Variants in OSMR observed in about 807,000 individuals in gnomAD.
OSMR encodes oncostatin M receptor.
OSMR carries 81 observed loss-of-function variants against 99.9 expected under a neutral mutation model. That is an observed-to-expected ratio of 0.81 (90% CI 0.68 to 0.97). The LOEUF is 0.97. OSMR is among the 50% of genes least tolerant of loss of function. The pLI is 0.00. For missense variants in OSMR, 1,099 were observed against 1,153.4 expected (o/e 0.95, Z 0.68); for synonymous variants, 406 against 410.4 (o/e 0.99, Z 0.13).
chr5:38,866,248 G>T (rs1741933589), intron 1 of OSMR, among the ~76,000 whole-genome samples: 1 of 152,170 alleles, frequency 6.6e-6, no homozygotes, highest in Non-Finnish European at 1.5e-5. Flanking sequence ...GCTAGCTGTG[G>T]TAGGTGGGGC....
intron 1 of OSMR, among the ~76,000 whole-genome samples, chr5:38,848,920 C>T (rs1164759097): frequency 1.3e-5 from 2 of 151,052 alleles, no homozygotes; most frequent in Admixed American, 1.3e-4. Context: ...ACTACAGGCA[C>T]ATGACACCAC....
intron 15 of OSMR, among the ~76,000 whole-genome samples, chr5:38,929,957 T>TTAAC (rs1331904436): frequency 5.3e-5 from 8 of 152,208 alleles, no homozygotes; most frequent in African/African-American, 1.9e-4. Context: ...GAATACATGA[T>TTAAC]TAACTATTCT....
intron 1 of OSMR, chr5:38,942,979 A>T (rs752783373): frequency 6.3e-7 from 1 of 1,590,226 alleles, no homozygotes; most frequent in Non-Finnish European, 8.6e-7. Flanking sequence ...ATTCTAAAAT[A>T]AAAGATTATG....
chr5:38,941,251 A>C (rs1747537501), intron 1 of OSMR: 1 of 232,618 alleles, frequency 4.3e-6, no homozygotes. Flanking sequence ...TATAAAAATT[A>C]AGTTACTGCT....
chr5:38,921,707 G>A lies in OSMR; in HGVS notation c.1678G>A (p.Asp560Asn), dbSNP rs1208559994. The change falls in exon 12 of 18, where the codon GAC becomes AAC. Residue 560 changes from aspartate (D) to asparagine (N), a missense_variant. Physicochemically the swap from Asp to Asn is conservative, Grantham distance 23. Transcript: ENST00000274276. ...TGGAGATGTTATAGGCTATGTTGTG[G>A]ACTGGTGTGACCATACCCAGGATGT... ...QPGDVIGYVV[D>N]WCDHTQDVLG... 1 of 1,614,144 alleles carries A rather than the reference G, an allele frequency of 6.2e-7. No homozygotes were observed. The highest frequency in any genetic ancestry group is 1.1e-5 in the South Asian group (1 of 91,076).
At chr5:38,936,578 CT>C (rs1392040247), downstream of OSMR, among the ~76,000 whole-genome samples, 1 of 152,172 alleles carries the variant, frequency 6.6e-6, no homozygotes, top group Admixed American at 6.5e-5. Flanking sequence ...TAGGGTCAAC[CT>C]TGTTACCTAC....
At chr5:38,889,018 G>C (rs769734702) in intron 7 of OSMR, among the ~76,000 whole-genome samples, 1 of 151,946 alleles carries the variant, frequency 6.6e-6, no homozygotes, top group Non-Finnish European at 1.5e-5. Flanking sequence ...CATACAGCAA[G>C]GCTGATGAAA....
intron 1 of OSMR, among the ~76,000 whole-genome samples, chr5:38,859,629 A>G (rs930466135): frequency 6.6e-6 from 1 of 152,122 alleles, no homozygotes; most frequent in African/African-American, 2.4e-5. Context: ...TCCTGTGTCT[A>G]TGAAAAATGT....
At chr5:38,891,503 G>A (rs559031615) in intron 7 of OSMR, among the ~76,000 whole-genome samples, 2 of 152,340 alleles carry the variant, frequency 1.3e-5, no homozygotes, top group South Asian at 4.1e-4. Context: ...GATGAGCAAA[G>A]CCCAGGCAGC....
At chr5:38,944,226 G>T in exon 2 of OSMR, 3 of 618,086 alleles carry the variant, frequency 4.9e-6, no homozygotes, top group South Asian at 3.0e-5. Context: ...TGGCTTAATA[G>T]AAGATAGCTG....
At chr5:38,944,386 T>C (rs1747941697) in intron 2 of OSMR, 5 of 1,523,348 alleles carry the variant, frequency 3.3e-6, no homozygotes, top group Non-Finnish European at 3.6e-6. Flanking sequence ...ATTTCAAGTA[T>C]CTTTTCTCGA....
At chr5:38,944,389 T>C in intron 2 of OSMR, 1 of 1,541,996 alleles carries the variant, frequency 6.5e-7, no homozygotes, top group South Asian at 1.2e-5. Context: ...TCAAGTATCT[T>C]TTCTCGACTT....
chr5:38,853,186 A>C (rs1000168682), intron 1 of OSMR, among the ~76,000 whole-genome samples: 1 of 152,106 alleles, frequency 6.6e-6, no homozygotes, highest in Admixed American at 6.5e-5. Flanking sequence ...CCTATGATTT[A>C]ATCTAGTACT....
rs1171070018 is a variant in OSMR, at chr5:38,925,384, A to T, written c.2212+13A>T. 1 of 1,609,690 alleles carries T rather than the reference A, an allele frequency of 6.2e-7. No individual in the cohort carries two copies. Among genetic ancestry groups the T allele is most frequent in the Non-Finnish European group, 8.5e-7 (1 of 1,175,924 alleles). On this transcript the variant is annotated intron_variant, in intron 15 of 17. Transcript: ENST00000274276. ...CCGGATGAACACTGTGAGTTTTCCC[A>T]AATCAAAGTTCTTCCCTTAGGAGTT...
rs772539760 is a variant in OSMR at position 38,904,036 on chromosome 5, G to C, written c.1134+12G>C. 6 of 1,613,322 alleles carry C rather than the reference G, an allele frequency of 3.7e-6. No individual in the cohort carries two copies. The South Asian group carries it at 6.6e-5, about 18-fold the overall frequency. ...GAAAAATGATGCAAGTAAGAACCCT[G>C]CTTAATTTTCTATTTTCAAAAATTC... On this transcript the variant is annotated intron_variant, in intron 8 of 17. Transcript: ENST00000274276.
chr5:38,919,894 C>T (rs1321316973), intron 11 of OSMR, among the ~76,000 whole-genome samples: 5 of 151,938 alleles, frequency 3.3e-5, no homozygotes, highest in Admixed American at 3.3e-4. Context: ...AAAGAACTAC[C>T]CAGTATATAT....
intron 9 of OSMR, among the ~76,000 whole-genome samples, chr5:38,916,639 G>A (rs1745912886): frequency 6.6e-6 from 1 of 152,118 alleles, no homozygotes; most frequent in Non-Finnish European, 1.5e-5. Context: ...AGTTGGCTTG[G>A]ATTTAAAGAC....
At chr5:38,882,732 CTAA>C (rs1259958577) in intron 4 of OSMR, among the ~76,000 whole-genome samples, 3 of 152,178 alleles carry the variant, frequency 2.0e-5, no homozygotes, top group Non-Finnish European at 4.4e-5. Flanking sequence ...ACTAATAATA[CTAA>C]TGAGATAATA....
At chr5:38,886,530 C>T (rs766694904) in intron 7 of OSMR, 49 of 246,636 alleles carry the variant, frequency 2.0e-4, no homozygotes, top group Middle Eastern at 1.3e-3. Flanking sequence ...TGTGTATTCT[C>T]ATTTCTTATG....
Sources: gnomAD v4.1 joint callset for allele counts (sites outside exome capture counted in the v4.1 genomes callset) on GRCh38, gnomAD v4.1.1 for gene constraint, MANE v1.5 for transcripts, NCBI Gene and HGNC (gene_info 2026-07-23, HGNC 2026-07-21) for gene names.